CTNND2: variants seen among roughly 807,000 people sequenced by gnomAD.
The protein encoded by CTNND2 is catenin delta-2.
CTNND2 carries 22 observed loss-of-function variants against 144.4 expected under a neutral mutation model. The ratio of observed to expected loss-of-function variants is 0.15; its 90% CI spans 0.11 to 0.22. The LOEUF (loss-of-function observed/expected upper bound fraction) is 0.22, where lower values mean the gene tolerates loss of function less well. CTNND2 is among the 10% of genes least tolerant of loss of function. The probability of loss-of-function intolerance (pLI) is 1.00; values close to 1 mark genes in which losing one functional copy is unlikely to be tolerated. For synonymous variants in CTNND2, 751 were observed against 695.6 expected (o/e 1.08, Z -1.25); for missense variants, 1,353 against 1,618.8 (o/e 0.84, Z 2.82).
rs576823063 is a variant in CTNND2 at position 11,618,377 on chromosome 5, T to TTTA, written c.175-53322_175-53321insTAA. On this transcript the variant is annotated intron_variant, in intron 2 of 21. Coordinates refer to ENST00000304623, the MANE Select transcript of CTNND2 (RefSeq NM_001332.4). ...TCACAGTTAGTGAGATTAATAAAACTATAAAGAGCTGCATGCTAGTTCAGG... is the reference window on the plus strand; with the variant it reads ...TCACAGTTAGTGAGATTAATAAAACTTTAATAAAGAGCTGCATGCTAGTTCAGG... Among the ~76,000 whole-genome samples the TTTA allele has an allele frequency of 2.9e-4, 44 of 152,298 alleles. 1 individual carries two copies. The East Asian group carries it at 6.4e-3, about 22-fold the overall frequency.
intron 2 of CTNND2, among the ~76,000 whole-genome samples, chr5:11,709,190 A>G (rs1449275834): frequency 6.6e-6 from 1 of 152,332 alleles, no homozygotes. Flanking sequence ...AGAGGCTGGG[A>G]AGATAAAATC....
chr5:11,604,720 C>A (rs2126348519), intron 2 of CTNND2, among the ~76,000 whole-genome samples: 1 of 152,296 alleles, frequency 6.6e-6, no homozygotes, highest in East Asian at 1.9e-4. Flanking sequence ...CAATTAATCA[C>A]CCATGTCCCA....
intron 1 of CTNND2, among the ~76,000 whole-genome samples, chr5:11,757,549 C>T (rs10037443): frequency 0.076 from 11,618 of 151,906 alleles, 1,178 homozygotes; most frequent in African/African-American, 0.23. Context: ...TTGTTCCCAA[C>T]GCATTTCCAA....
chr5:11,634,822 A>T (rs1781596447), intron 2 of CTNND2, among the ~76,000 whole-genome samples: 1 of 152,064 alleles, frequency 6.6e-6, no homozygotes, highest in Non-Finnish European at 1.5e-5. Context: ...AGAGTGAAAA[A>T]CCATTTCCTA....
At chr5:11,175,330 A>C (rs1411940429) in intron 11 of CTNND2, among the ~76,000 whole-genome samples, 1 of 152,106 alleles carries the variant, frequency 6.6e-6, no homozygotes, top group African/African-American at 2.4e-5. Flanking sequence ...TCTTCAGCCT[A>C]TTAAAAAGGG....
At chr5:11,171,959 T>C (rs1759970075) in intron 11 of CTNND2, among the ~76,000 whole-genome samples, 1 of 152,134 alleles carries the variant, frequency 6.6e-6, no homozygotes, top group African/African-American at 2.4e-5. Flanking sequence ...ATTAATTGAG[T>C]AAAAAAGTTC....
chr5:11,010,113 G>A (rs903852267), intron 18 of CTNND2, among the ~76,000 whole-genome samples: 7 of 152,196 alleles, frequency 4.6e-5, no homozygotes, highest in African/African-American at 1.7e-4. Flanking sequence ...CTAGCCTTGG[G>A]TTGTTTTAAA....
At chr5:11,373,296 C>G (rs1757627159) in intron 7 of CTNND2, among the ~76,000 whole-genome samples, 1 of 152,162 alleles carries the variant, frequency 6.6e-6, no homozygotes. Flanking sequence ...AAGCTGGTCT[C>G]AAACTCCTGA....
chr5:11,776,515 T>C (rs1175702130), intron 1 of CTNND2, among the ~76,000 whole-genome samples: 1 of 152,232 alleles, frequency 6.6e-6, no homozygotes, highest in Non-Finnish European at 1.5e-5. Flanking sequence ...GAATAGATAC[T>C]ATTTTGCTAG....
intron 8 of CTNND2, among the ~76,000 whole-genome samples, chr5:11,351,443 A>G (rs1202111459): frequency 6.6e-6 from 1 of 152,204 alleles, no homozygotes; most frequent in Non-Finnish European, 1.5e-5. Flanking sequence ...ATAGATACCT[A>G]CGCTTTCATG....
At chr5:11,399,208 C>T (rs1030678757) in intron 5 of CTNND2, among the ~76,000 whole-genome samples, 3 of 152,158 alleles carry the variant, frequency 2.0e-5, no homozygotes, top group Non-Finnish European at 4.4e-5. Context: ...TCTACCTGGG[C>T]ATAATGGCTT....
chr5:11,322,538 A>G (rs1331834084), intron 9 of CTNND2, among the ~76,000 whole-genome samples: 2 of 152,208 alleles, frequency 1.3e-5, no homozygotes, highest in Non-Finnish European at 2.9e-5. Context: ...TATAAAAGCA[A>G]CAAAGCTACA....
chr5:11,443,322 T>C (rs72732928), intron 3 of CTNND2, among the ~76,000 whole-genome samples: 6,848 of 89,650 alleles, frequency 0.076, 440 homozygotes, highest in African/African-American at 0.13. Flanking sequence ...TGTGTGTGCA[T>C]GTGTGTGTGG....
In CTNND2 at chr5:11,509,206, T is replaced by C. The variant is rs751137623; in HGVS notation, c.287+55738A>G. On this transcript the variant is annotated intron_variant, in intron 3 of 21. Coordinates refer to ENST00000304623, the MANE Select transcript of CTNND2 (RefSeq NM_001332.4). ...CCAGAAATTCTAAGGTCTAGCATTC[T>C]TGCAGTTCCCCTAAGGCATTGCATC... 1.2e-4 allele frequency among the ~76,000 whole-genome samples: 19 copies of C among 152,226 alleles called. 1 individual carries two copies. The highest frequency in any genetic ancestry group is 4.4e-5 in the Non-Finnish European group (3 of 68,052).
At chr5:11,468,140 C>T (rs770283285) in intron 3 of CTNND2, among the ~76,000 whole-genome samples, 4 of 152,084 alleles carry the variant, frequency 2.6e-5, no homozygotes, top group African/African-American at 9.7e-5. Flanking sequence ...GTACAAATAA[C>T]AGAAAAACTG....
chr5:11,884,003 C>T (rs984408996), intron 1 of CTNND2, among the ~76,000 whole-genome samples: 1 of 152,124 alleles, frequency 6.6e-6, no homozygotes, highest in African/African-American at 2.4e-5. Flanking sequence ...TGTTCATATC[C>T]TTCACACACT....
chr5:11,795,907 A>G (rs1013212007), intron 1 of CTNND2, among the ~76,000 whole-genome samples: 2 of 152,236 alleles, frequency 1.3e-5, no homozygotes, highest in African/African-American at 4.8e-5. Context: ...TCAGCAGGCC[A>G]TATCAAGCCA....
chr5:11,682,113 G>C (rs551844442), intron 2 of CTNND2, among the ~76,000 whole-genome samples: 1 of 152,326 alleles, frequency 6.6e-6, no homozygotes, highest in South Asian at 2.1e-4. Flanking sequence ...ACAGTGCAGA[G>C]TCATAGAGCA....
chr5:11,413,018 A>G (rs1761666082), intron 3 of CTNND2, among the ~76,000 whole-genome samples: 1 of 152,198 alleles, frequency 6.6e-6, no homozygotes, highest in African/African-American at 2.4e-5. Context: ...GTATAAATCA[A>G]TGTTCAGAAA....
Sources: gnomAD v4.1 joint callset for allele counts (sites outside exome capture counted in the v4.1 genomes callset) on GRCh38, gnomAD v4.1.1 for gene constraint, MANE v1.5 for transcripts, NCBI Gene and HGNC (gene_info 2026-07-23, HGNC 2026-07-21) for gene names.